The following CSPG4 variants were observed in gnomAD, a reference collection of about 807,000 sequenced individuals.
The protein encoded by CSPG4 is chondroitin sulfate proteoglycan 4.
Under a neutral mutation model 139.3 loss-of-function variants are expected in CSPG4, and 74 were observed. The observed-to-expected ratio is 0.53, with a 90% CI of 0.44 to 0.64. CSPG4 has a LOEUF of 0.64. Among genes scored for constraint, CSPG4 ranks in the 30% least tolerant of loss-of-function variants. The probability of loss-of-function intolerance (pLI) is 0.00; values close to 1 mark genes in which losing one functional copy is unlikely to be tolerated. For synonymous variants in CSPG4, 1,234 were observed against 1,394.2 expected, an observed-to-expected ratio of 0.89 and a Z score of 2.56; for missense variants, 2,565 against 3,148.3, an observed-to-expected ratio of 0.81 and a Z score of 4.43.
rs118055463 is a variant in CSPG4, at chr15:75,681,104, C to T, written c.4950+1189G>A. ...ACTGAGGGTACGCAGCAGCTGCAGA[C>T]ACCAGCCTGACAAATATCTCATTGT... On this transcript the variant is annotated intron_variant, in intron 8 of 9. Coordinates refer to ENST00000308508, the MANE Select transcript of CSPG4 (RefSeq NM_001897.5). 2.3e-3 allele frequency among the ~76,000 whole-genome samples: 355 copies of T among 152,336 alleles called. 4 individuals are homozygous for T. The highest frequency in any genetic ancestry group is 3.8e-3 in the Non-Finnish European group (258 of 68,034).
chr15:75,707,336 A>G (rs1160421822), intron 1 of CSPG4, among the ~76,000 whole-genome samples: 1 of 152,226 alleles, frequency 6.6e-6, no homozygotes, highest in Non-Finnish European at 1.5e-5. Flanking sequence ...CCTTCAGCCT[A>G]TGTGTATAAG....
rs746147096 is a variant in CSPG4 at position 75,690,459 on chromosome 15, C to T, written c.606G>A (p.Val202=). 1.3e-5 allele frequency: 21 copies of T among 1,607,028 alleles called. No homozygotes were observed. The highest frequency in any genetic ancestry group is 6.7e-5 in the Admixed American group (4 of 59,834). Residue 202 remains valine (V), a synonymous_variant, in exon 3 of 10, where the codon GTG becomes GTA. Transcript: ENST00000308508. ...AGTGGGGCCCAGAGAAGCCCAGGGC[C>T]ACATCATCACTGGCAGAAAACTCTT... ...CAEEFSASDD[V]ALGFSGPHSL...
Position 75,688,656 on chromosome 15 carries a change from G to A in CSPG4, c.2409C>T (p.Thr803=). 6.2e-7 allele frequency: 1 copy of A among 1,612,456 alleles called. No homozygotes were observed. The highest frequency in any genetic ancestry group is 8.5e-7 in the Non-Finnish European group (1 of 1,179,776). ...CCAGGGTGGCCTCCAGGTGGGCTGT[G>A]GTGAGGGTCTCCTGCTGGGTGTTCT... The part of the protein sequence containing the change: ...HTQNTQQETL[T]TAHLEATLEE... Residue 803 remains threonine (T), a synonymous_variant, in exon 3 of 10, where the codon ACC becomes ACT. Transcript: ENST00000308508.
At position 75,675,816 on chromosome 15, in the gene CSPG4, G is replaced by T. The variant is rs1272410573; in HGVS notation, c.6703C>A (p.Leu2235Ile). The change falls in exon 10 of 10, where the codon CTC becomes ATC. Residue 2235 changes from leucine (L) to isoleucine (I), a missense_variant. By Grantham distance (5) the Leu-to-Ile change is conservative. Around this residue, in one of 5 missense-constraint regions of CSPG4, gnomAD observed 2,316 missense variants for 2,818.2 expected, o/e 0.82. Transcript: ENST00000308508. ...AGCAGGGGCAGGATGAGCGCCAGGA[G>T]CAGAAGTACCAGGCACATGGGGATG... is the stretch of plus-strand genomic sequence containing the variant. ...VIIPMCLVLLLLALILPLLFY... is the reference protein window; with the variant it reads ...VIIPMCLVLLILALILPLLFY... 6.2e-7 allele frequency: 1 copy of T among 1,613,240 alleles called. No homozygotes were observed.
At chr15:75,691,208 C>T (rs1276152814) in intron 2 of CSPG4, among the ~76,000 whole-genome samples, 2 of 152,162 alleles carry the variant, frequency 1.3e-5, no homozygotes, top group African/African-American at 4.8e-5. Context: ...TAGTGAGTTC[C>T]CCACACTTGG....
At position 75,675,682 on chromosome 15, in the gene CSPG4, C is replaced by A; in HGVS notation, c.6837G>T (p.Glu2279Asp). 1 of 1,555,062 alleles carries A rather than the reference C, an allele frequency of 6.4e-7. No individual in the cohort carries two copies. Reference protein sequence around the residue: ...AGDTETFRKVEPGQAIPLTAV... With the variant: ...AGDTETFRKVDPGQAIPLTAV... Reference sequence around the variant, plus strand: ...CTGTGAGCGGGATGGCCTGGCCTGGCTCCACCTTGCGAAAGGTCTCGGTGT... The same window carrying A: ...CTGTGAGCGGGATGGCCTGGCCTGGATCCACCTTGCGAAAGGTCTCGGTGT... The change falls in exon 10 of 10, where the codon GAG (glutamate) becomes GAT (aspartate). Residue 2279 changes from glutamate to aspartate, a missense_variant. Around this residue, in one of 5 missense-constraint regions of CSPG4, gnomAD observed 2,316 missense variants for 2,818.2 expected, o/e 0.82. Coordinates refer to ENST00000308508, the MANE Select transcript of CSPG4 (RefSeq NM_001897.5).
Position 75,676,584 on chromosome 15 carries a change from A to C in CSPG4, c.5935T>G (p.Tyr1979Asp). ...TACTGGGGTCCCTGGATGAGGCGGTATGCTGCCTCTGGCTCCTCCCGATCT... is the reference window on the plus strand; with the variant it reads ...TACTGGGGTCCCTGGATGAGGCGGTCTGCTGCCTCTGGCTCCTCCCGATCT... Reference protein sequence around the residue: ...VSDREEPEAAYRLIQGPQYGH... With the variant: ...VSDREEPEAADRLIQGPQYGH... Residue 1979 changes from tyrosine to aspartate, a missense_variant, in exon 10 of 10, where the codon TAC becomes GAC. Transcript: ENST00000308508. The C allele has an allele frequency of 2.5e-6, 4 of 1,613,128 alleles. No individual in the cohort carries two copies. The highest frequency in any genetic ancestry group is 2.5e-6 in the Non-Finnish European group (3 of 1,179,882).
In CSPG4 at chr15:75,682,987, C is replaced by T. The variant is rs377495164; in HGVS notation, c.4504G>A (p.Gly1502Ser). Residue 1502 changes from glycine (G) to serine (S), a missense_variant, in exon 6 of 10, where the codon GGC becomes AGC. Transcript: ENST00000308508. ...IPAEALRSTD[G>S]DSGSEDLVYT... ...ACCAGATCCTCAGACCCAGAGTCGC[C>T]GTCCGTGCTCCTCAGAGCCTCCGCA... The T allele has an allele frequency of 4.0e-5, 65 of 1,611,358 alleles. 1 individual carries two copies. The highest frequency in any genetic ancestry group is 2.5e-4 in the Admixed American group (15 of 60,008).
intron 8 of CSPG4, among the ~76,000 whole-genome samples, chr15:75,678,123 G>A (rs1003784301): frequency 2.0e-5 from 3 of 152,150 alleles, no homozygotes; most frequent in Non-Finnish European, 2.9e-5. Flanking sequence ...TGGGGAAATC[G>A]CCTAATTTCT....
chr15:75,710,980 T>G (rs1462934334), intron 1 of CSPG4, among the ~76,000 whole-genome samples: 1 of 152,216 alleles, frequency 6.6e-6, no homozygotes, highest in Non-Finnish European at 1.5e-5. Context: ...TTTTGCCATT[T>G]AAGGCTTCTG....
rs765450947 is a variant in CSPG4, at chr15:75,712,693, A to G, written c.63T>C (p.Thr21=). 6.4e-7 allele frequency: 1 copy of G among 1,565,438 alleles called. No homozygotes were observed. The highest frequency in any genetic ancestry group is 2.3e-5 in the East Asian group (1 of 42,832). Residue 21 remains threonine, a synonymous_variant, in exon 1 of 10, where the codon ACT becomes ACC. Coordinates refer to ENST00000308508, the MANE Select transcript of CSPG4 (RefSeq NM_001897.5). ...APGLALALTL[T]MLARLASAAS... ...CCGCGGATGCAAGTCTGGCCAACAT[A>G]GTCAGGGTCAAAGCCAAGGCCAGGC...
intron 4 of CSPG4, 150 bp from the exon 5 acceptor site, chr15:75,685,062 G>T: frequency 7.8e-7 from 1 of 1,281,912 alleles, no homozygotes; most frequent in Non-Finnish European, 1.1e-6. Context: ...GAGTTGTGAG[G>T]AAGAAAAGAT....
Position 75,688,822 on chromosome 15 carries a change from G to A in CSPG4, c.2243C>T (p.Pro748Leu), listed in dbSNP as rs1894107294. The A allele has an allele frequency of 1.2e-5, 20 of 1,612,868 alleles. No homozygotes were observed. Among genetic ancestry groups the A allele is most frequent in the Non-Finnish European group, 1.4e-5 (17 of 1,179,980 alleles). ...CACGGTGTCGTAAGCGTGGTGCTGT[G>A]GGTCAGTGCTCAGGTACCTCACGCG... The part of the protein sequence containing the change: ...QGRVRYLSTD[P>L]QHHAYDTVEN... The change falls in exon 3 of 10, where the codon CCA (proline) becomes CTA (leucine). Residue 748 changes from proline to leucine, a missense_variant. By Grantham distance (98) the Pro-to-Leu change is moderately conservative. Transcript: ENST00000308508.
chr15:75,702,331 C>G lies in CSPG4; in HGVS notation c.89-9098G>C, dbSNP rs192614243. 2.0e-4 allele frequency among the ~76,000 whole-genome samples: 31 copies of G among 152,392 alleles called. 1 individual carries two copies. The highest frequency in any genetic ancestry group is 7.5e-4 in the African/African-American group (31 of 41,598). Reference sequence around the variant, plus strand: ...GGCCTGCTGCTGGGCCAGCTCTTCTCTCCTGTCCACCTGTGAAATGTCCTC... The same window carrying G: ...GGCCTGCTGCTGGGCCAGCTCTTCTGTCCTGTCCACCTGTGAAATGTCCTC... On this transcript the variant is annotated intron_variant, in intron 1 of 9. Transcript: ENST00000308508.
Position 75,675,441 on chromosome 15 carries a change from C to T in CSPG4, c.*109G>A. The T allele has an allele frequency of 8.1e-7, 1 of 1,237,918 alleles. No individual in the cohort carries two copies. Among genetic ancestry groups the T allele is most frequent in the Non-Finnish European group, 1.1e-6 (1 of 950,484 alleles). 76.7% of individuals were successfully genotyped at this position (1,237,918 alleles called of 1,614,324 possible). The stretch of plus-strand genomic sequence containing the variant: ...CCCTCCACCCCTGGTGTCTCCAGGT[C>T]TCTCTTGCTCTGGGGATACTCAGAC... On this transcript the variant is annotated 3_prime_UTR_variant, in exon 10 of 10. Coordinates refer to ENST00000308508, the MANE Select transcript of CSPG4 (RefSeq NM_001897.5).
At chr15:75,683,151 G>T in intron 5 of CSPG4, 110 bp from the exon 6 acceptor site, 1 of 1,111,666 alleles carries the variant, frequency 9.0e-7, no homozygotes, top group Non-Finnish European at 1.3e-6. Flanking sequence ...CAGCCCCTCG[G>T]GTGGCATCGA....
At position 75,683,008 on chromosome 15, in the gene CSPG4, C is replaced by T. The variant is rs1278243902; in HGVS notation, c.4483G>A (p.Glu1495Lys). ...TCGCCGTCCGTGCTCCTCAGAGCCT[C>T]CGCAGGGATGGGCGCAGTGGCCCCC... ...WEGATAPIPAEALRSTDGDSG... is the reference protein window; with the variant it reads ...WEGATAPIPAKALRSTDGDSG... Residue 1495 changes from glutamate (E) to lysine (K), a missense_variant, in exon 6 of 10, where the codon GAG becomes AAG. Physicochemically the swap from Glu to Lys is moderately conservative, Grantham distance 56. Transcript: ENST00000308508. 6.2e-7 allele frequency: 1 copy of T among 1,610,994 alleles called. No individual in the cohort carries two copies. The highest frequency in any genetic ancestry group is 8.5e-7 in the Non-Finnish European group (1 of 1,179,692).
At chr15:75,680,199 A>C (rs931636625) in intron 8 of CSPG4, 35 of 152,726 alleles carry the variant, frequency 2.3e-4, no homozygotes, top group African/African-American at 8.0e-4. Context: ...GGCCGGGCTA[A>C]GGGGAGGCAG....
chr15:75,681,802 C>T (rs2141424036), intron 8 of CSPG4, among the ~76,000 whole-genome samples: 1 of 152,320 alleles, frequency 6.6e-6, no homozygotes, highest in African/African-American at 2.4e-5. Context: ...GCTGACTCAG[C>T]TGCCTTTCAT....
Sources: allele counts gnomAD v4.1 joint callset (sites outside exome capture counted in the v4.1 genomes callset), GRCh38; gene constraint gnomAD v4.1.1; regional missense constraint gnomAD v4.1.1; transcripts MANE v1.5; gene names NCBI Gene and HGNC (gene_info 2026-07-23, HGNC 2026-07-21).